The following WASL variants were observed in gnomAD, a reference collection of about 807,000 sequenced individuals.
The protein encoded by WASL is WASP like actin nucleation promoting factor, also known as actin nucleation-promoting factor WASL.
Under a neutral mutation model 55.5 loss-of-function variants are expected in WASL, and 20 were observed. The observed-to-expected ratio is 0.36, with a 90% CI of 0.25 to 0.52. The LOEUF is 0.52. WASL is among the 20% of genes least tolerant of loss of function. The pLI is 0.92. For missense variants in WASL, 504 were observed against 622.5 expected, an observed-to-expected ratio of 0.81 and a Z score of 2.03; for synonymous variants, 249 against 217.6, an observed-to-expected ratio of 1.14 and a Z score of -1.27.
At chr7:123,730,853 T>C (rs1168502752) in intron 1 of WASL, among the ~76,000 whole-genome samples, 4 of 152,166 alleles carry the variant, frequency 2.6e-5, no homozygotes, top group Admixed American at 2.6e-4. Context: ...GTTATACGGG[T>C]AAATTGCATG....
Position 123,747,900 on chromosome 7 carries a change from C to G in WASL, c.117+718G>C, listed in dbSNP as rs139633244. The stretch of plus-strand genomic sequence containing the variant: ...ACCAAACTAAGAATCATTCTCGGCC[C>G]CAAAAGCCAAGAGCTACCAGAGATT... On this transcript the variant is annotated intron_variant, in intron 1 of 10. Coordinates refer to ENST00000223023, the MANE Select transcript of WASL (RefSeq NM_003941.4). Among the ~76,000 whole-genome samples, 863 of 152,118 alleles carry G rather than the reference C, an allele frequency of 5.7e-3. 10 individuals carry two copies. Among genetic ancestry groups the G allele is most frequent in the African/African-American group, 0.02 (828 of 41,496 alleles).
intron 1 of WASL, among the ~76,000 whole-genome samples, chr7:123,730,033 G>A (rs1280173170): frequency 1.3e-5 from 2 of 152,028 alleles, no homozygotes; most frequent in Non-Finnish European, 2.9e-5. Flanking sequence ...ATGCAAACAA[G>A]GAGAGAGTAT....
chr7:123,735,995 A>G (rs759686519), intron 1 of WASL, among the ~76,000 whole-genome samples: 8 of 152,300 alleles, frequency 5.3e-5, no homozygotes, highest in Non-Finnish European at 8.8e-5. Flanking sequence ...CCTTCAAACT[A>G]GTAATAAAGC....
rs1003634100 is a variant in WASL at position 123,695,939 on chromosome 7, C to T, written c.630-74G>A. The T allele has an allele frequency of 2.8e-5, 41 of 1,450,370 alleles. 1 individual carries two copies. The highest frequency in any genetic ancestry group is 1.9e-4 in the Middle Eastern group (1 of 5,254). 89.8% of individuals were successfully genotyped at this position (1,450,370 alleles called of 1,614,324 possible). A position where few individuals can be genotyped will look rare whatever the true frequency, so the allele number is the denominator to read the frequency against. On this transcript the variant is annotated intron_variant, in intron 6 of 10. Coordinates refer to ENST00000223023, the MANE Select transcript of WASL (RefSeq NM_003941.4). The stretch of plus-strand genomic sequence containing the variant: ...CATTATAAACACAATATATATGAAA[C>T]CCAATCTACATTTGGCTTTGAATTT...
chr7:123,688,091 C>G (rs1803324548), intron 10 of WASL, among the ~76,000 whole-genome samples: 1 of 152,242 alleles, frequency 6.6e-6, no homozygotes, highest in Non-Finnish European at 1.5e-5. Context: ...GTTGGAGAAG[C>G]TATTTAGCAA....
chr7:123,731,889 GATGAA>G (rs1196168838), intron 1 of WASL, among the ~76,000 whole-genome samples: 1 of 151,748 alleles, frequency 6.6e-6, no homozygotes. Flanking sequence ...AAAGTTAGCA[GATGAA>G]AAGAAAAAAA....
intron 8 of WASL, among the ~76,000 whole-genome samples, chr7:123,694,167 T>C (rs1803456799): frequency 1.3e-5 from 2 of 152,180 alleles, no homozygotes; most frequent in South Asian, 2.1e-4. Context: ...GAGTATTTTA[T>C]CTGCATTTTA....
chr7:123,698,792 C>T (rs1803530719), intron 5 of WASL, among the ~76,000 whole-genome samples: 1 of 152,086 alleles, frequency 6.6e-6, no homozygotes, highest in Non-Finnish European at 1.5e-5. Context: ...TGTGAATTTT[C>T]AAATTTGCTC....
At chr7:123,748,389 G>A (rs1562969089) in intron 1 of WASL, among the ~76,000 whole-genome samples, 1 of 151,978 alleles carries the variant, frequency 6.6e-6, no homozygotes, top group African/African-American at 2.4e-5. Flanking sequence ...GCCTGCGGAG[G>A]TGACACTCCC....
At chr7:123,692,195 C>A in intron 9 of WASL, 152 bp downstream of exon 9, 1 of 1,091,084 alleles carries the variant, frequency 9.2e-7, no homozygotes, top group South Asian at 1.7e-5. Context: ...GTGCATGTCA[C>A]TGCATGTAAA....
At chr7:123,735,579 C>T (rs1268870450) in intron 1 of WASL, among the ~76,000 whole-genome samples, 1 of 151,978 alleles carries the variant, frequency 6.6e-6, no homozygotes, top group Admixed American at 6.6e-5. Context: ...AGAGCAAAGA[C>T]TGGACATATA....
Position 123,748,809 on chromosome 7 carries a change from T to C in WASL, c.-75A>G. 1 of 1,263,812 alleles carries C rather than the reference T, an allele frequency of 7.9e-7. No individual in the cohort carries two copies. Among genetic ancestry groups the C allele is most frequent in the Non-Finnish European group, 1.1e-6 (1 of 937,146 alleles). The allele number at this position is 1,263,812 out of a possible 1,614,324, so 78.3% of individuals were successfully genotyped here. A position where few individuals can be genotyped will look rare whatever the true frequency, so the allele number is the denominator to read the frequency against. On this transcript the variant is annotated 5_prime_UTR_variant, in exon 1 of 11. Coordinates refer to ENST00000223023, the MANE Select transcript of WASL (RefSeq NM_003941.4). ...GGCGAGAGCTCGTTCCCCCTCTCGG[T>C]GACAGGGGCGGGGAGAAGTGGAGTC...
At chr7:123,708,942 A>G in intron 2 of WASL, 147 bp downstream of exon 2, 2 of 699,378 alleles carry the variant, frequency 2.9e-6, no homozygotes, top group African/African-American at 1.9e-5. Flanking sequence ...TCCGTATGCA[A>G]TATCTAAAAA....
intron 1 of WASL, among the ~76,000 whole-genome samples, chr7:123,715,335 A>C (rs1803823366): frequency 6.6e-6 from 1 of 152,172 alleles, no homozygotes; most frequent in East Asian, 1.9e-4. Context: ...GCAAGGCCCT[A>C]GTCCATTTCA....
chr7:123,712,403 A>G (rs1201521676), intron 1 of WASL, among the ~76,000 whole-genome samples: 1 of 152,196 alleles, frequency 6.6e-6, no homozygotes, highest in African/African-American at 2.4e-5. Context: ...TGATACTACA[A>G]TAATAACAGA....
At chr7:123,744,276 A>G (rs1341476767) in intron 1 of WASL, among the ~76,000 whole-genome samples, 2 of 152,216 alleles carry the variant, frequency 1.3e-5, no homozygotes, top group Non-Finnish European at 2.9e-5. Context: ...TCCAGATACC[A>G]TGTGCATTAG....
At chr7:123,713,643 C>T (rs34238832) in intron 1 of WASL, among the ~76,000 whole-genome samples, 4,468 of 152,208 alleles carry the variant, frequency 0.029, 118 homozygotes, top group Non-Finnish European at 0.042. Context: ...ATGAGAAAAT[C>T]CATTCTAAGT....
At chr7:123,734,613 A>T (rs73718471) in intron 1 of WASL, among the ~76,000 whole-genome samples, 3,169 of 151,214 alleles carry the variant, frequency 0.021, 72 homozygotes, top group Middle Eastern at 0.059. Context: ...AAAAAAAAAA[A>T]ATCAGTGAGT....
intron 1 of WASL, among the ~76,000 whole-genome samples, chr7:123,747,204 C>G (rs1421064907): frequency 5.3e-5 from 8 of 152,106 alleles, no homozygotes; most frequent in Non-Finnish European, 1.2e-4. Context: ...TTTTCTAGTT[C>G]TGGTTACATT....
Sources: gnomAD v4.1 joint callset for allele counts (sites outside exome capture counted in the v4.1 genomes callset) on GRCh38, gnomAD v4.1.1 for gene constraint, MANE v1.5 for transcripts, NCBI Gene and HGNC (gene_info 2026-07-23, HGNC 2026-07-21) for gene names.